Variants in COL8A1 observed in about 807,000 individuals in gnomAD.
COL8A1 encodes the protein collagen alpha-1(VIII) chain.
Under a neutral mutation model 42.7 loss-of-function variants are expected in COL8A1, and 21 were observed. The ratio of observed to expected loss-of-function variants is 0.49; its 90% CI spans 0.35 to 0.71. The LOEUF is 0.71. Ranked by LOEUF, COL8A1 falls within the 30% of genes least tolerant of loss-of-function variation. COL8A1 has a pLI of 0.01. For missense variants in COL8A1, 788 were observed against 962.4 expected (o/e 0.82, Z 2.40); for synonymous variants, 367 against 369.1 (o/e 0.99, Z 0.06).
At chr3:99,755,437 G>T (rs1357972413) in intron 2 of COL8A1, among the ~76,000 whole-genome samples, 2 of 152,194 alleles carry the variant, frequency 1.3e-5, no homozygotes, top group African/African-American at 4.8e-5. Flanking sequence ...CACTGTTTTA[G>T]GTTGGGGAGT....
chr3:99,794,453 AG>A lies in COL8A1; in HGVS notation c.556del (p.Glu186LysfsTer68). 6.2e-7 allele frequency: 1 copy of A among 1,614,012 alleles called. No homozygotes were observed. Among genetic ancestry groups the A allele is most frequent in the Non-Finnish European group, 8.5e-7 (1 of 1,179,938 alleles). ...PGAKGEIGQK[G>X]EIGPMGIPGP... ...GGGCAAAAGGAGAAATTGGACAGAAAGGGGAAATTGGGCCTATGGGGATCCC... is the reference window on the plus strand; with the variant it reads ...GGGCAAAAGGAGAAATTGGACAGAAAGGGAAATTGGGCCTATGGGGATCCC... On this transcript the variant is annotated frameshift_variant, in exon 4 of 4. Transcript: ENST00000652472. LOFTEE classifies it high-confidence loss of function. The surrounding 1 kb of genome is among the most constrained non-coding windows in gnomAD (Gnocchi z 4.3).
chr3:99,791,909 T>C (rs191415496), intron 3 of COL8A1, among the ~76,000 whole-genome samples: 5 of 152,328 alleles, frequency 3.3e-5, no homozygotes, highest in Non-Finnish European at 7.4e-5. Flanking sequence ...AGAGAATCAG[T>C]GACATACATA....
At chr3:99,655,964 A>G (rs1938009124) in intron 1 of COL8A1, among the ~76,000 whole-genome samples, 1 of 152,234 alleles carries the variant, frequency 6.6e-6, no homozygotes, top group African/African-American at 2.4e-5. Flanking sequence ...AAACACAAGA[A>G]TTTAGAAAGC....
intron 2 of COL8A1, among the ~76,000 whole-genome samples, chr3:99,750,746 G>A (rs745763644): frequency 8.5e-5 from 13 of 152,192 alleles, no homozygotes; most frequent in Non-Finnish European, 1.5e-4. Context: ...GAATTTTCAA[G>A]ATTTTCTTGA....
rs1942108451 is a variant in COL8A1, at chr3:99,796,346, A to G, written c.*210A>G. The G allele has an allele frequency of 4.5e-6, 2 of 448,894 alleles. No individual in the cohort carries two copies. The highest frequency in any genetic ancestry group is 3.3e-5 in the East Asian group (1 of 30,494). 27.8% of individuals were successfully genotyped at this position (448,894 alleles called of 1,614,324 possible). ...GCAGCCTGTAATTGCGAATGATGGG[A>G]TAGAGTTATGTATCAAGTACTGACA... On this transcript the variant is annotated 3_prime_UTR_variant, in exon 4 of 4. Transcript: ENST00000652472.
At chr3:99,760,706 G>A (rs1283250726) in intron 2 of COL8A1, among the ~76,000 whole-genome samples, 2 of 152,072 alleles carry the variant, frequency 1.3e-5, no homozygotes, top group Admixed American at 1.3e-4. Context: ...GTGTAGACCT[G>A]AGAGACTGTC....
chr3:99,653,587 G>T (rs983341617), intron 1 of COL8A1, among the ~76,000 whole-genome samples: 1 of 151,714 alleles, frequency 6.6e-6, no homozygotes, highest in African/African-American at 2.4e-5. Context: ...TTGTGTATGT[G>T]TCTGTGTGTG....
intron 2 of COL8A1, among the ~76,000 whole-genome samples, chr3:99,777,867 A>C (rs117574100): frequency 1.3e-5 from 2 of 152,230 alleles, no homozygotes; most frequent in Non-Finnish European, 2.9e-5. Context: ...GAGAACTCTC[A>C]AAGAGTTTTA....
chr3:99,669,255 C>T (rs1938470370), intron 1 of COL8A1, among the ~76,000 whole-genome samples: 1 of 150,738 alleles, frequency 6.6e-6, no homozygotes, highest in South Asian at 2.1e-4. Flanking sequence ...ATGATCAATG[C>T]TGTGACAGAG....
intron 1 of COL8A1, among the ~76,000 whole-genome samples, chr3:99,742,380 G>GA (rs1940921177): frequency 6.6e-6 from 1 of 152,148 alleles, no homozygotes; most frequent in Non-Finnish European, 1.5e-5. Context: ...GAAATACAAT[G>GA]AGTTACACAT....
intron 1 of COL8A1, among the ~76,000 whole-genome samples, chr3:99,690,112 C>G (rs956180729): frequency 3.3e-5 from 5 of 152,126 alleles, no homozygotes; most frequent in African/African-American, 1.2e-4. Flanking sequence ...AAAGTGTATG[C>G]CACTGTTTGT....
chr3:99,671,660 T>G (rs908215898), intron 1 of COL8A1, among the ~76,000 whole-genome samples: 10 of 151,996 alleles, frequency 6.6e-5, no homozygotes, highest in African/African-American at 9.7e-5. Flanking sequence ...TTTTTTATAC[T>G]CCATGTAACA....
At chr3:99,687,518 G>T (rs1427981456) in intron 1 of COL8A1, among the ~76,000 whole-genome samples, 1 of 152,198 alleles carries the variant, frequency 6.6e-6, no homozygotes. Context: ...AGAGTGGGGA[G>T]CTATGCCTGG....
intron 1 of COL8A1, among the ~76,000 whole-genome samples, chr3:99,723,028 T>TGTGTGTGC (rs1453314555): frequency 1.3e-5 from 2 of 151,652 alleles, no homozygotes; most frequent in Admixed American, 6.6e-5. Flanking sequence ...TGTGTGTGTG[T>TGTGTGTGC]GTGTGTAATA....
chr3:99,746,855 G>C (rs541159097), intron 2 of COL8A1, among the ~76,000 whole-genome samples: 1 of 152,268 alleles, frequency 6.6e-6, no homozygotes, highest in South Asian at 2.1e-4. Context: ...CCAGCTGAAA[G>C]TATTTTTAAA....
At chr3:99,755,159 A>G (rs1941230086) in intron 2 of COL8A1, among the ~76,000 whole-genome samples, 1 of 152,206 alleles carries the variant, frequency 6.6e-6, no homozygotes, top group Non-Finnish European at 1.5e-5. Context: ...GTAAAGAAAA[A>G]CAAAGGAAAT....
At chr3:99,729,971 A>C (rs1441852166) in intron 1 of COL8A1, among the ~76,000 whole-genome samples, 1 of 152,106 alleles carries the variant, frequency 6.6e-6, no homozygotes, top group Non-Finnish European at 1.5e-5. Flanking sequence ...ATCAATGAAC[A>C]TTTGTCATGC....
At chr3:99,763,737 C>A (rs1048228646) in intron 2 of COL8A1, among the ~76,000 whole-genome samples, 2 of 152,184 alleles carry the variant, frequency 1.3e-5, no homozygotes, top group East Asian at 3.8e-4. Flanking sequence ...CCATGTTCTG[C>A]TTCCTGAGGT....
chr3:99,643,702 T>C (rs989316754), intron 1 of COL8A1, among the ~76,000 whole-genome samples: 2 of 152,212 alleles, frequency 1.3e-5, no homozygotes, highest in Non-Finnish European at 2.9e-5. Context: ...TTTTCCTGTC[T>C]GCAATATTCT....
Sources: allele counts gnomAD v4.1 joint callset (sites outside exome capture counted in the v4.1 genomes callset), GRCh38; gene constraint gnomAD v4.1.1; non-coding constraint Gnocchi (gnomAD v3.1); transcripts MANE v1.5; gene names NCBI Gene and HGNC (gene_info 2026-07-23, HGNC 2026-07-21).